NALF1: variants seen among roughly 807,000 people sequenced by gnomAD.
NALF1 encodes NALCN channel auxiliary factor 1.
A neutral mutation model predicts 48.4 loss-of-function variants in NALF1; 3 were observed. The ratio of observed to expected loss-of-function variants is 0.06; its 90% CI spans 0.03 to 0.16. The LOEUF (loss-of-function observed/expected upper bound fraction) is 0.16. Ranked by LOEUF, NALF1 falls within the 10% of genes least tolerant of loss-of-function variation. The probability of loss-of-function intolerance (pLI) is 1.00; values close to 1 mark genes in which losing one functional copy is unlikely to be tolerated. For synonymous variants in NALF1, 262 were observed against 245.7 expected, an observed-to-expected ratio of 1.07 and a Z score of -0.62; for missense variants, 526 against 571.5, an observed-to-expected ratio of 0.92 and a Z score of 0.81.
intron 1 of NALF1, among the ~76,000 whole-genome samples, chr13:107,642,316 C>A (rs192441446): frequency 6.6e-6 from 1 of 152,278 alleles, no homozygotes; most frequent in Admixed American, 6.5e-5. Flanking sequence ...TATGCCCACA[C>A]AATAAGAATA....
At chr13:107,192,783 A>G (rs1879310160) in intron 2 of NALF1, among the ~76,000 whole-genome samples, 1 of 152,214 alleles carries the variant, frequency 6.6e-6, no homozygotes, top group Non-Finnish European at 1.5e-5. Flanking sequence ...AATGAGCCAT[A>G]TAATATACTT....
At chr13:107,659,098 G>A (rs1757236549) in intron 1 of NALF1, among the ~76,000 whole-genome samples, 1 of 123,186 alleles carries the variant, frequency 8.1e-6, no homozygotes, top group Admixed American at 8.3e-5. Flanking sequence ...AGCCAGCACT[G>A]ACACACTGAC....
chr13:107,862,134 A>G (rs1880587294), intron 1 of NALF1, among the ~76,000 whole-genome samples: 1 of 152,172 alleles, frequency 6.6e-6, no homozygotes, highest in Non-Finnish European at 1.5e-5. Flanking sequence ...CTAATCTCAA[A>G]CCCACTTACA....
At chr13:107,626,903 T>C (rs1198074715) in intron 1 of NALF1, among the ~76,000 whole-genome samples, 1 of 152,082 alleles carries the variant, frequency 6.6e-6, no homozygotes, top group East Asian at 1.9e-4. Context: ...AACAAACACC[T>C]AAATTAAGGA....
intron 1 of NALF1, among the ~76,000 whole-genome samples, chr13:107,374,038 A>G (rs935195674): frequency 6.6e-6 from 1 of 152,214 alleles, no homozygotes; most frequent in Non-Finnish European, 1.5e-5. Context: ...AAAATTATTG[A>G]TTTATTAAAA....
chr13:107,637,692 A>G (rs1446714596), intron 1 of NALF1, among the ~76,000 whole-genome samples: 3 of 152,080 alleles, frequency 2.0e-5, no homozygotes, highest in Admixed American at 6.6e-5. Flanking sequence ...CTTCCAACCC[A>G]TGTTGGAACC....
chr13:107,455,019 A>G (rs1409972881), intron 1 of NALF1, among the ~76,000 whole-genome samples: 1 of 152,162 alleles, frequency 6.6e-6, no homozygotes, highest in Non-Finnish European at 1.5e-5. Context: ...CAAGGGAGTG[A>G]GGTGATTGGA....
chr13:107,713,109 C>A (rs1875652845), intron 1 of NALF1, among the ~76,000 whole-genome samples: 1 of 152,206 alleles, frequency 6.6e-6, no homozygotes, highest in South Asian at 2.1e-4. Flanking sequence ...CACGTCCACA[C>A]ATCAGGGGCT....
intron 1 of NALF1, among the ~76,000 whole-genome samples, chr13:107,344,647 A>C (rs556746794): frequency 6.6e-6 from 1 of 152,244 alleles, no homozygotes; most frequent in South Asian, 2.1e-4. Context: ...TGATAAAAAC[A>C]CTCAACTAAC....
At chr13:107,407,627 T>C (rs573416670) in intron 1 of NALF1, among the ~76,000 whole-genome samples, 23 of 152,212 alleles carry the variant, frequency 1.5e-4, no homozygotes, top group Non-Finnish European at 2.6e-4. Flanking sequence ...GGCAAGGATG[T>C]GGAGAAAAGG....
chr13:107,797,418 C>G (rs1469911920), intron 1 of NALF1, among the ~76,000 whole-genome samples: 3 of 152,046 alleles, frequency 2.0e-5, no homozygotes, highest in African/African-American at 4.8e-5. Flanking sequence ...ACCGTGTTGG[C>G]CAGGATGGTC....
At chr13:107,752,142 C>T (rs1023802918) in intron 1 of NALF1, among the ~76,000 whole-genome samples, 2 of 151,974 alleles carry the variant, frequency 1.3e-5, no homozygotes, top group African/African-American at 4.8e-5. Context: ...GCCTTGCCTA[C>T]CTGTTGAATG....
At chr13:107,822,189 T>C (rs1879378284) in intron 1 of NALF1, among the ~76,000 whole-genome samples, 2 of 152,298 alleles carry the variant, frequency 1.3e-5, no homozygotes, top group African/African-American at 4.8e-5. Flanking sequence ...GTCATCATAC[T>C]GACCTTCTGC....
intron 1 of NALF1, among the ~76,000 whole-genome samples, chr13:107,850,665 G>C (rs2138641604): frequency 6.6e-6 from 1 of 152,296 alleles, no homozygotes; most frequent in East Asian, 1.9e-4. Flanking sequence ...CACTTTGGGA[G>C]GCCAAGGTGG....
intron 1 of NALF1, among the ~76,000 whole-genome samples, chr13:107,794,258 C>T (rs976926372): frequency 1.3e-4 from 20 of 152,212 alleles, no homozygotes; most frequent in Admixed American, 4.6e-4. Flanking sequence ...CATGAAAGCC[C>T]CTGGTTACGT....
Position 107,211,014 on chromosome 13 carries a change from C to T in NALF1, c.916-259G>A, listed in dbSNP as rs148731361. Among the ~76,000 whole-genome samples the T allele has an allele frequency of 3.4e-3, 520 of 152,260 alleles. 2 individuals are homozygous for T. Among genetic ancestry groups the T allele is most frequent in the African/African-American group, 0.012 (493 of 41,554 alleles). ...TATTTTGACCTTTAATTTTATGTGGCTTATTTGAAAATCAGTGGATTTAAG... is the reference window on the plus strand; with the variant it reads ...TATTTTGACCTTTAATTTTATGTGGTTTATTTGAAAATCAGTGGATTTAAG... On this transcript the variant is annotated intron_variant, in intron 1 of 2. Coordinates refer to ENST00000375915, the MANE Select transcript of NALF1 (RefSeq NM_001080396.3).
At chr13:107,792,808 T>C (rs1417545905) in intron 1 of NALF1, among the ~76,000 whole-genome samples, 1 of 109,448 alleles carries the variant, frequency 9.1e-6, no homozygotes. Flanking sequence ...TTTTAATCAT[T>C]TTGTTTGTTT....
At chr13:107,725,428 C>T (rs1876119121) in intron 1 of NALF1, among the ~76,000 whole-genome samples, 1 of 152,198 alleles carries the variant, frequency 6.6e-6, no homozygotes, top group South Asian at 2.1e-4. Flanking sequence ...TGAAGTAGGG[C>T]TGGGCGCAGT....
chr13:107,207,328 C>T (rs1879664465), intron 2 of NALF1, among the ~76,000 whole-genome samples: 2 of 152,084 alleles, frequency 1.3e-5, no homozygotes, highest in Admixed American at 6.5e-5. Flanking sequence ...ATGTAAATGG[C>T]TCACATTTAC....
Sources: allele counts gnomAD v4.1 joint callset (sites outside exome capture counted in the v4.1 genomes callset), GRCh38; gene constraint gnomAD v4.1.1; transcripts MANE v1.5; gene names NCBI Gene and HGNC (gene_info 2026-07-23, HGNC 2026-07-21).